Variants in CEP170B observed in about 807,000 individuals in gnomAD.
CEP170B encodes the protein centrosomal protein of 170 kDa protein B.
A neutral mutation model predicts 120.6 loss-of-function variants in CEP170B; 55 were observed. The observed-to-expected ratio is 0.46, with a 90% CI of 0.37 to 0.57. CEP170B has a LOEUF of 0.57. Among genes scored for constraint, CEP170B ranks in the 20% least tolerant of loss-of-function variants. CEP170B has a pLI of 0.00. For missense variants in CEP170B, 2,212 were observed against 2,253.3 expected (o/e 0.98, Z 0.37); for synonymous variants, 1,033 against 954.5 (o/e 1.08, Z -1.52).
chr14:104,883,956 G>T lies in CEP170B; in HGVS notation c.1177G>T (p.Asp393Tyr), dbSNP rs1179143389. 5 of 1,608,002 alleles carry T rather than the reference G, an allele frequency of 3.1e-6. No homozygotes were observed. The South Asian group carries it at 5.5e-5, about 18-fold the overall frequency. The part of the protein sequence containing the change: ...QVRLQRQIKR[D>Y]PQELLHNQQA... ...GCGGCTGCAGAGGCAGATCAAGCGG[G>T]ACCCCCAGGAGCTACTACATAACCA... Residue 393 changes from aspartate (D) to tyrosine (Y), a missense_variant, in exon 9 of 19, where the codon GAC becomes TAC. Around this residue, in one of 2 missense-constraint regions of CEP170B, gnomAD observed 2,166 missense variants for 2,166.7 expected, o/e 1.00. Transcript: ENST00000414716.
Position 104,885,384 on chromosome 14 carries a change from G to C in CEP170B, c.1786G>C (p.Glu596Gln). Reference protein sequence around the residue: ...KMIDQVFGVLESPELSRASSA... With the variant: ...KMIDQVFGVLQSPELSRASSA... ...CTCTTGGCAGGTCTTTGGGGTGTTG[G>C]AGTCCCCTGAACTCTCCAGGGCATC... Residue 596 changes from glutamate to glutamine, a missense_variant, in exon 10 of 19, where the codon GAG (glutamate) becomes CAG (glutamine). Physicochemically the swap from Glu to Gln is conservative, Grantham distance 29. Coordinates refer to ENST00000414716, the MANE Select transcript of CEP170B (RefSeq NM_001112726.3). 1 of 1,565,520 alleles carries C rather than the reference G, an allele frequency of 6.4e-7. No homozygotes were observed. The highest frequency in any genetic ancestry group is 8.7e-7 in the Non-Finnish European group (1 of 1,155,990).
rs1463104949 is a variant in CEP170B, at chr14:104,868,493, C to T, written c.43C>T (p.Arg15Cys). The stretch of plus-strand genomic sequence containing the variant: ...GTTCCTGGTGAGCAGCAGCGGCGCC[C>T]GCCACCGGCTCCCTCGGGAGCTCAT... ...SWFLVSSSGARHRLPRELIFV... is the reference protein window; with the variant it reads ...SWFLVSSSGACHRLPRELIFV... The change falls in exon 2 of 19, where the codon CGC (arginine) becomes TGC (cysteine). Residue 15 changes from arginine (R) to cysteine (C), a missense_variant. Coordinates refer to ENST00000414716, the MANE Select transcript of CEP170B (RefSeq NM_001112726.3). This position sits in a 1 kb window ranked among gnomAD's most constrained non-coding sequence, Gnocchi z 5.9. The T allele has an allele frequency of 1.5e-5, 23 of 1,549,582 alleles. No homozygotes were observed. The highest frequency in any genetic ancestry group is 1.9e-5 in the Non-Finnish European group (22 of 1,146,924).
chr14:104,883,209 A>T lies in CEP170B; in HGVS notation c.752A>T (p.Asp251Val), dbSNP rs745873090. The T allele has an allele frequency of 1.2e-5, 19 of 1,610,564 alleles. No homozygotes were observed. The highest frequency in any genetic ancestry group is 3.3e-5 in the Admixed American group (2 of 59,820). The change falls in exon 8 of 19, where the codon GAT (aspartate) becomes GTT (valine). Residue 251 changes from aspartate to valine, a missense_variant. Physicochemically the swap from Asp to Val is radical, Grantham distance 152 (BLOSUM62 -3). Coordinates refer to ENST00000414716, the MANE Select transcript of CEP170B (RefSeq NM_001112726.3). ...EVPAHEMPTK[D>V]AEAGGGGAAP... The stretch of plus-strand genomic sequence containing the variant: ...CCGGCACACGAGATGCCCACGAAGG[A>T]TGCAGAGGCAGGTGGGGGCGGAGCG...
rs748245743 is a variant in CEP170B, at chr14:104,886,048, G to A, written c.1953G>A (p.Pro651=). Residue 651 remains proline, a synonymous_variant, in exon 11 of 19, where the codon CCG becomes CCA. Transcript: ENST00000414716. ...CACCCTCCTCTCCACAGGGCCTCCC[G>A]GTGCCGGGCTCCCCTGGGGGTCAGA... ...AAPQAEHQGL[P]VPGSPGGQKW... is the part of the protein sequence containing the mutation. 60 of 1,538,962 alleles carry A rather than the reference G, an allele frequency of 3.9e-5. No individual in the cohort carries two copies. Among genetic ancestry groups the A allele is most frequent in the South Asian group, 1.1e-4 (9 of 83,414 alleles).
At chr14:104,879,213 C>G (rs1433773887) in intron 5 of CEP170B, among the ~76,000 whole-genome samples, 1 of 152,086 alleles carries the variant, frequency 6.6e-6, no homozygotes, top group Non-Finnish European at 1.5e-5. Context: ...TTTGGTCTCT[C>G]TGTGAGTGAG....
rs780924213 is a variant in CEP170B at position 104,877,934 on chromosome 14, A to C, written c.245A>C (p.Lys82Thr). The C allele has an allele frequency of 6.2e-7, 1 of 1,603,312 alleles. No homozygotes were observed. The highest frequency in any genetic ancestry group is 8.5e-7 in the Non-Finnish European group (1 of 1,175,718). The change falls in exon 4 of 19, where the codon AAG becomes ACG. Residue 82 changes from lysine (K) to threonine (T), a missense_variant. This residue lies in a region of CEP170B where 2,166 missense variants were observed against 2,166.7 expected (regional missense o/e 1.00). Transcript: ENST00000414716. Reference protein sequence around the residue: ...RIPDQKYVTLKLNDVIRFGYD... With the variant: ...RIPDQKYVTLTLNDVIRFGYD... ...CCGGACCAGAAGTACGTCACGCTGA[A>C]GCTCAACGATGTCATCCGCTTCGGC...
Position 104,895,541 on chromosome 14 carries a change from G to T in CEP170B, c.*583G>T, listed in dbSNP as rs1250969457. On this transcript the variant is annotated 3_prime_UTR_variant, in exon 19 of 19. Coordinates refer to ENST00000414716, the MANE Select transcript of CEP170B (RefSeq NM_001112726.3). Reference sequence around the variant, plus strand: ...GCCTTTTATAGGCAGGAGCCCCACTGCTTCCAGCCTCTGGTGCCAACACAG... The same window carrying T: ...GCCTTTTATAGGCAGGAGCCCCACTTCTTCCAGCCTCTGGTGCCAACACAG... 6.5e-6 allele frequency: 1 copy of T among 152,732 alleles called. No individual in the cohort carries two copies. Among genetic ancestry groups the T allele is most frequent in the Non-Finnish European group, 1.5e-5 (1 of 68,192 alleles). The allele number at this position is 152,732 out of a possible 1,614,324, so 9.5% of individuals were successfully genotyped here. A position where few individuals can be genotyped will look rare whatever the true frequency, so the allele number is the denominator to read the frequency against.
intron 12 of CEP170B, among the ~76,000 whole-genome samples, chr14:104,888,449 GC>G (rs1282057727): frequency 6.6e-6 from 1 of 152,202 alleles, no homozygotes; most frequent in East Asian, 1.9e-4. Context: ...GCTGGTAGCT[GC>G]TCTAACACCC....
chr14:104,864,636 T>G (rs968886548), upstream of CEP170B, among the ~76,000 whole-genome samples: 18 of 150,066 alleles, frequency 1.2e-4, no homozygotes, highest in Non-Finnish European at 1.3e-4. This position sits in a 1 kb window ranked among gnomAD's most constrained non-coding sequence, Gnocchi z 5.9. Context: ...GGCGTCCAGG[T>G]AAGACGGCGT....
chr14:104,894,854 C>T lies in CEP170B; in HGVS notation c.4561C>T (p.Leu1521=), dbSNP rs1433632411. The part of the protein sequence containing the change: ...PPSPASAEAL[L]PALPLRNFPQ... ...CTCACCCGCCTCAGCCGAGGCCCTG[C>T]TGCCAGCCCTGCCCCTGAGGAATTT... is the stretch of plus-strand genomic sequence containing the variant. The change falls in exon 19 of 19, where the codon CTG becomes TTG. Residue 1521 remains leucine, a synonymous_variant. Transcript: ENST00000414716. The T allele has an allele frequency of 6.2e-7, 1 of 1,608,888 alleles. No individual in the cohort carries two copies.
intron 6 of CEP170B, 82 bp from the exon 7 acceptor site, chr14:104,882,646 G>C: frequency 8.6e-7 from 1 of 1,163,796 alleles, no homozygotes; most frequent in Non-Finnish European, 1.2e-6. Context: ...CCAGAGTCCA[G>C]CCTCTCCTGG....
rs753778950 is a variant in CEP170B, at chr14:104,884,219, G to A, written c.1440G>A (p.Ser480=). 54 of 1,542,352 alleles carry A rather than the reference G, an allele frequency of 3.5e-5. No individual in the cohort carries two copies. Among genetic ancestry groups the A allele is most frequent in the East Asian group, 1.2e-4 (5 of 40,980 alleles). The part of the protein sequence containing the change: ...EKTEERLGSP[S]PASRTPARPF... ...CAGAGGAACGGCTGGGCAGCCCCTC[G>A]CCCGCCTCCCGAACCCCTGCCCGCC... is the stretch of plus-strand genomic sequence containing the variant. Residue 480 remains serine, a synonymous_variant, in exon 9 of 19, where the codon TCG becomes TCA. Transcript: ENST00000414716.
chr14:104,868,685 G>A lies in CEP170B; in HGVS notation c.105+130G>A, dbSNP rs905416535. ...GAGGCCGCCATGCAGCCCAGGCTGG[G>A]CCTCTTAACTTGGGTCCCGGATGCA... On this transcript the variant is annotated intron_variant, in intron 2 of 18. Transcript: ENST00000414716. This position sits in a 1 kb window ranked among gnomAD's most constrained non-coding sequence, Gnocchi z 5.9. 7.9e-6 allele frequency: 7 copies of A among 887,760 alleles called. No homozygotes were observed. The African/African-American group carries it at 1.2e-4, about 15-fold the overall frequency. The allele number at this position is 887,760 out of a possible 1,614,324, so 55.0% of individuals were successfully genotyped here. A position where few individuals can be genotyped will look rare whatever the true frequency, so the allele number is the denominator to read the frequency against.
intron 12 of CEP170B, 116 bp from the exon 13 acceptor site, chr14:104,889,504 C>G: frequency 6.4e-7 from 1 of 1,557,144 alleles, no homozygotes; most frequent in Non-Finnish European, 8.6e-7. Flanking sequence ...AAAACCAATT[C>G]ACTCACCAAG....
In CEP170B at chr14:104,883,123, G is replaced by A; in HGVS notation, c.666G>A (p.Glu222=). ...CTCAGGGCTGCTCGTTCCGGCGGGA[G>A]CCCAGCTACTTCGAGATCCCCACGA... ...AEPQGCSFRR[E]PSYFEIPTKE... Residue 222 remains glutamate (E), a synonymous_variant, in exon 8 of 19, where the codon GAG becomes GAA. Coordinates refer to ENST00000414716, the MANE Select transcript of CEP170B (RefSeq NM_001112726.3). 1 of 1,597,684 alleles carries A rather than the reference G, an allele frequency of 6.3e-7. No homozygotes were observed. The highest frequency in any genetic ancestry group is 1.1e-5 in the South Asian group (1 of 89,242).
At chr14:104,874,545 T>C (rs1895731662) in intron 2 of CEP170B, among the ~76,000 whole-genome samples, 2 of 152,096 alleles carry the variant, frequency 1.3e-5, no homozygotes, top group South Asian at 4.1e-4. Flanking sequence ...CAGGGATGGC[T>C]GCACCCAGGA....
Position 104,891,105 on chromosome 14 carries a change from G to A in CEP170B, c.3878+1347G>A, listed in dbSNP as rs192233418. Among the ~76,000 whole-genome samples the A allele has an allele frequency of 2.6e-5, 4 of 152,044 alleles. No individual in the cohort carries two copies. Among genetic ancestry groups the A allele is most frequent in the South Asian group, 2.1e-4 (1 of 4,818 alleles). On this transcript the variant is annotated intron_variant, in intron 13 of 18. Transcript: ENST00000414716. The surrounding 1 kb of genome is among the most constrained non-coding windows in gnomAD (Gnocchi z 4.3). ...TGGAGAGTGAGTGGGTGGATGGAGG[G>A]GTGGGTGGATGCAGATCTTCCCAGG...
intron 14 of CEP170B, among the ~76,000 whole-genome samples, 171 bp from the exon 15 acceptor site, chr14:104,893,352 G>A (rs950841896): frequency 6.6e-5 from 10 of 152,244 alleles, no homozygotes; most frequent in Admixed American, 2.0e-4. Context: ...TGACTGTGCC[G>A]TCATCCCCAG....
intron 6 of CEP170B, 47 bp from the exon 7 acceptor site, chr14:104,882,681 C>T: frequency 6.6e-7 from 1 of 1,511,106 alleles, no homozygotes; most frequent in Non-Finnish European, 9.0e-7. Flanking sequence ...GCTTTTCACA[C>T]TGGGGGCCCC....
Sources: gnomAD v4.1 joint callset for allele counts (sites outside exome capture counted in the v4.1 genomes callset) on GRCh38, gnomAD v4.1.1 for gene constraint, gnomAD v4.1.1 regional missense constraint, Gnocchi (gnomAD v3.1) non-coding constraint, MANE v1.5 for transcripts, NCBI Gene and HGNC (gene_info 2026-07-23, HGNC 2026-07-21) for gene names.